Variants in PRSS23 observed in about 807,000 individuals in gnomAD.
The protein encoded by PRSS23 is protease, serine 23.
Under a neutral mutation model 34.7 loss-of-function variants are expected in PRSS23, and 25 were observed. The ratio of observed to expected loss-of-function variants is 0.72; its 90% CI spans 0.53 to 1.01. The LOEUF (loss-of-function observed/expected upper bound fraction) is 1.01. Among genes scored for constraint, PRSS23 ranks in the 50% least tolerant of loss-of-function variants. The probability of loss-of-function intolerance (pLI) is 0.00; values close to 1 mark genes in which losing one functional copy is unlikely to be tolerated. For synonymous variants in PRSS23, 176 were observed against 186.6 expected, an observed-to-expected ratio of 0.94 and a Z score of 0.46; for missense variants, 445 against 475.6, an observed-to-expected ratio of 0.94 and a Z score of 0.60.
At chr11:86,856,324 T>TA (rs56199835) in intron 2 of PRSS23, among the ~76,000 whole-genome samples, 45,613 of 145,802 alleles carry the variant, frequency 0.31, 7,035 homozygotes, top group East Asian at 0.39. Context: ...TCTGGTGCTT[T>TA]AAAAAAAAAA....
chr11:86,950,200 T>C (rs1013412045), intron 2 of PRSS23: 5 of 152,666 alleles, frequency 3.3e-5, no homozygotes, highest in African/African-American at 1.2e-4. Context: ...GGCGTCTGCA[T>C]AGATGCAATC....
intron 2 of PRSS23, among the ~76,000 whole-genome samples, chr11:86,852,726 G>T (rs2134920578): frequency 6.6e-6 from 1 of 151,954 alleles, no homozygotes; most frequent in South Asian, 2.1e-4. Flanking sequence ...ATGGAAAAGG[G>T]ACCCATTAAC....
At chr11:86,941,598 T>C (rs185570322) in intron 2 of PRSS23, among the ~76,000 whole-genome samples, 13 of 152,372 alleles carry the variant, frequency 8.5e-5, no homozygotes, top group Admixed American at 7.2e-4. Flanking sequence ...GGACTCCAAG[T>C]TGGACTTCGT....
intron 1 of PRSS23, chr11:86,821,488 A>G (rs772090238): frequency 4.4e-5 from 71 of 1,610,674 alleles, no homozygotes; most frequent in Non-Finnish European, 5.9e-5. Context: ...TCAGAGCTTT[A>G]TGAGCTGCAC....
chr11:86,815,027 C>T (rs1212250626), downstream of PRSS23, among the ~76,000 whole-genome samples: 4 of 152,210 alleles, frequency 2.6e-5, no homozygotes, highest in South Asian at 8.3e-4. Context: ...AGAGCAAGAA[C>T]AGCTTTGAGA....
chr11:86,948,125 TA>T (rs1195523261), intron 2 of PRSS23: 1 of 152,260 alleles, frequency 6.6e-6, no homozygotes, highest in East Asian at 1.9e-4. Flanking sequence ...AAACCACCTG[TA>T]ACTGACTTGG....
chr11:86,885,342 A>C (rs1007082148), intron 2 of PRSS23, among the ~76,000 whole-genome samples: 1 of 152,220 alleles, frequency 6.6e-6, no homozygotes, highest in Non-Finnish European at 1.5e-5. Context: ...CTCTTTGTCA[A>C]ATTTTCTGAT....
At position 86,899,546 on chromosome 11, in the gene PRSS23, G is replaced by A. The variant is rs184174041; in HGVS notation, c.207-51670G>A. Among the ~76,000 whole-genome samples the A allele has an allele frequency of 3.9e-3, 580 of 149,862 alleles. 5 individuals are homozygous for A. The highest frequency in any genetic ancestry group is 0.014 in the South Asian group (65 of 4,714). ...TTTTTTTTTTTTGAGACAGAGTCTCGCTCTGTCACCCAGGCTGGCGTGCAG... is the reference window on the plus strand; with the variant it reads ...TTTTTTTTTTTTGAGACAGAGTCTCACTCTGTCACCCAGGCTGGCGTGCAG... On this transcript the variant is annotated intron_variant, in intron 2 of 2. Transcript: ENST00000533902.
chr11:86,900,324 C>T (rs1214837244), intron 2 of PRSS23, among the ~76,000 whole-genome samples: 2 of 152,222 alleles, frequency 1.3e-5, no homozygotes, highest in South Asian at 2.1e-4. Context: ...GAGGAGGAAG[C>T]GGCTTGCATG....
chr11:86,858,704 A>C (rs12276529), intron 2 of PRSS23, among the ~76,000 whole-genome samples: 2 of 151,862 alleles, frequency 1.3e-5, no homozygotes, highest in South Asian at 4.2e-4. Context: ...ATTACTCCCA[A>C]TATCACAGGG....
In PRSS23 at chr11:86,808,605, A is replaced by G. The variant is rs1047449784; in HGVS notation, c.962A>G (p.Tyr321Cys). Residue 321 changes from tyrosine (Y) to cysteine (C), a missense_variant, in exon 2 of 2, where the codon TAT (tyrosine) becomes TGT (cysteine). Coordinates refer to ENST00000280258, the MANE Select transcript of PRSS23 (RefSeq NM_007173.6). ...AQPGASGSGV[Y>C]VRMWKRQQQK... ...CCAGGGGCCAGCGGGTCTGGGGTCT[A>G]TGTGAGGATGTGGAAGAGACAGCAG... The G allele has an allele frequency of 1.2e-6, 2 of 1,614,098 alleles. No homozygotes were observed. Among genetic ancestry groups the G allele is most frequent in the African/African-American group, 2.7e-5 (2 of 74,942 alleles).
intron 2 of PRSS23, among the ~76,000 whole-genome samples, chr11:86,838,266 T>C (rs1024499369): frequency 2.0e-5 from 3 of 152,086 alleles, no homozygotes; most frequent in African/African-American, 7.2e-5. Context: ...GACCAAATAG[T>C]GCACTTTTCC....
intron 1 of PRSS23, among the ~76,000 whole-genome samples, chr11:86,794,057 A>T (rs1170191700): frequency 2.0e-5 from 3 of 152,142 alleles, no homozygotes; most frequent in Admixed American, 1.3e-4. Flanking sequence ...CTCATAAAAG[A>T]CCCAAATTCA....
At chr11:86,838,034 G>T (rs1948419874) in intron 2 of PRSS23, among the ~76,000 whole-genome samples, 1 of 152,048 alleles carries the variant, frequency 6.6e-6, no homozygotes, top group African/African-American at 2.4e-5. Flanking sequence ...CCTAGCCAAG[G>T]GAAGCCGTGA....
chr11:86,840,232 C>G (rs1044641897), intron 2 of PRSS23, among the ~76,000 whole-genome samples: 1 of 152,030 alleles, frequency 6.6e-6, no homozygotes, highest in Non-Finnish European at 1.5e-5. Context: ...TGCACATAGG[C>G]TCAAAATAAA....
chr11:86,879,727 G>A (rs1387922238), intron 2 of PRSS23, among the ~76,000 whole-genome samples: 4 of 127,664 alleles, frequency 3.1e-5, no homozygotes, highest in African/African-American at 8.9e-5. Flanking sequence ...GGAGGTGGGG[G>A]TGTCAGCCCC....
At chr11:86,894,357 G>C (rs1461199199) in intron 2 of PRSS23, among the ~76,000 whole-genome samples, 5 of 152,192 alleles carry the variant, frequency 3.3e-5, no homozygotes, top group Non-Finnish European at 5.9e-5. Flanking sequence ...CCTGCTAGCA[G>C]TTCTCTACAA....
chr11:86,833,322 G>A, intron 2 of PRSS23: 1 of 1,199,248 alleles, frequency 8.3e-7, no homozygotes, highest in Non-Finnish European at 1.2e-6. Context: ...TGACGGCCAG[G>A]ATAATGAGCA....
At chr11:86,946,349 AG>A (rs1949242494) in intron 2 of PRSS23, 2 of 152,312 alleles carry the variant, frequency 1.3e-5, no homozygotes, top group Non-Finnish European at 2.9e-5. Context: ...GAGAGCAAGG[AG>A]GTTTAAAAGC....
Sources: gnomAD v4.1 joint callset for allele counts (sites outside exome capture counted in the v4.1 genomes callset) on GRCh38, gnomAD v4.1.1 for gene constraint, MANE v1.5 for transcripts, NCBI Gene and HGNC (gene_info 2026-07-23, HGNC 2026-07-21) for gene names.